The following CALN1 variants were observed in gnomAD, a reference collection of about 807,000 sequenced individuals.
CALN1 encodes calneuron 1.
Under a neutral mutation model 30.6 loss-of-function variants are expected in CALN1, and 17 were observed. That is an observed-to-expected ratio of 0.56 (90% CI 0.38 to 0.83). The LOEUF is 0.83. Among genes scored for constraint, CALN1 ranks in the 40% least tolerant of loss-of-function variants. CALN1 has a pLI of 0.00. For synonymous variants in CALN1, 156 were observed against 131.4 expected, an observed-to-expected ratio of 1.19 and a Z score of -1.28; for missense variants, 291 against 354.9, an observed-to-expected ratio of 0.82 and a Z score of 1.45.
intron 5 of CALN1, among the ~76,000 whole-genome samples, chr7:71,855,388 C>T (rs931640965): frequency 6.6e-6 from 1 of 152,100 alleles, no homozygotes; most frequent in Non-Finnish European, 1.5e-5. Context: ...TAGGTGCACA[C>T]GGCACCCAAA....
At chr7:72,432,423 C>T (rs528754293) in intron 1 of CALN1, among the ~76,000 whole-genome samples, 1 of 152,270 alleles carries the variant, frequency 6.6e-6, no homozygotes, top group East Asian at 1.9e-4. Context: ...GCAATATTCT[C>T]TCTGCCTCCG....
chr7:72,159,456 C>T (rs932055246), intron 3 of CALN1, among the ~76,000 whole-genome samples: 1 of 152,082 alleles, frequency 6.6e-6, no homozygotes, highest in East Asian at 1.9e-4. Flanking sequence ...ACTATGACCA[C>T]GCCACTGTAC....
chr7:72,375,574 A>T (rs1804506459), intron 2 of CALN1, among the ~76,000 whole-genome samples: 1 of 151,364 alleles, frequency 6.6e-6, no homozygotes, highest in South Asian at 2.1e-4. Context: ...CCAGGAAAAA[A>T]AAAAAAAAGA....
At chr7:72,034,353 CAAAAAAA>C (rs34276736) in intron 4 of CALN1, among the ~76,000 whole-genome samples, 3 of 90,406 alleles carry the variant, frequency 3.3e-5, no homozygotes, top group Non-Finnish European at 6.2e-5. Flanking sequence ...GACTCTGTCT[CAAAAAAA>C]AAAAAAAAAA....
At position 72,369,350 on chromosome 7, in the gene CALN1, A is replaced by AT. The variant is rs1804080082; in HGVS notation, c.119+33900dup. Among the ~76,000 whole-genome samples, 11 of 19,860 alleles carry AT rather than the reference A, an allele frequency of 5.5e-4. No homozygotes were observed. In the South Asian group the frequency reaches 0.021, roughly 38 times the overall value. 13.0% of individuals were successfully genotyped at this position (19,860 alleles called of 152,430 possible). On this transcript the variant is annotated intron_variant, in intron 2 of 6. Transcript: ENST00000395275. ...TATATAATTTATAAATATTATAAATATTTATTTTTTTGTTGTTGTTGTTTG... is the reference window on the plus strand; with the variant it reads ...TATATAATTTATAAATATTATAAATATTTTATTTTTTTGTTGTTGTTGTTTG...
chr7:72,425,920 C>T (rs1807786529), intron 1 of CALN1, among the ~76,000 whole-genome samples: 1 of 152,082 alleles, frequency 6.6e-6, no homozygotes, highest in Admixed American at 6.5e-5. Flanking sequence ...CAATCAAACT[C>T]CTCCTCATCC....
intron 1 of CALN1, among the ~76,000 whole-genome samples, chr7:72,431,884 T>C (rs1807991319): frequency 6.7e-6 from 1 of 149,270 alleles, no homozygotes; most frequent in Non-Finnish European, 1.5e-5. Flanking sequence ...TATCAGAGAA[T>C]GTTTTGGGAC....
intron 5 of CALN1, among the ~76,000 whole-genome samples, chr7:71,915,684 A>G (rs1371766554): frequency 6.6e-6 from 1 of 152,216 alleles, no homozygotes; most frequent in East Asian, 1.9e-4. Context: ...CAGTGAGCCA[A>G]GATCGCTGCA....
At chr7:72,222,136 G>T (rs972262821) in intron 3 of CALN1, among the ~76,000 whole-genome samples, 8 of 152,062 alleles carry the variant, frequency 5.3e-5, no homozygotes, top group Admixed American at 2.6e-4. Flanking sequence ...TGAGGCAGGA[G>T]CATCGCTTAA....
At chr7:71,810,032 C>T (rs1272123209) in intron 6 of CALN1, among the ~76,000 whole-genome samples, 1 of 152,062 alleles carries the variant, frequency 6.6e-6, no homozygotes, top group Non-Finnish European at 1.5e-5. Flanking sequence ...GCAGCCACAA[C>T]CAAGAGAAGG....
Position 72,324,452 on chromosome 7 carries a change from C to T in CALN1, c.120-45642G>A, listed in dbSNP as rs116419042. Among the ~76,000 whole-genome samples the T allele has an allele frequency of 1.1e-3, 166 of 152,236 alleles. 2 individuals are homozygous for T. The highest frequency in any genetic ancestry group is 3.7e-3 in the African/African-American group (154 of 41,550). The stretch of plus-strand genomic sequence containing the variant: ...CATACCTGCCTCTTGCATTTACCTT[C>T]CCTCCTAATATTATTCCCCAATAAC... On this transcript the variant is annotated intron_variant, in intron 2 of 6. Coordinates refer to ENST00000395275, the MANE Select transcript of CALN1 (RefSeq NM_031468.4).
chr7:71,865,606 T>C (rs753881348), intron 5 of CALN1, among the ~76,000 whole-genome samples: 1 of 152,234 alleles, frequency 6.6e-6, no homozygotes, highest in Non-Finnish European at 1.5e-5. Context: ...TCTCCTTCAC[T>C]CATCATGGAA....
intron 3 of CALN1, among the ~76,000 whole-genome samples, chr7:72,157,529 T>C (rs1461754604): frequency 6.6e-6 from 1 of 151,910 alleles, no homozygotes; most frequent in African/African-American, 2.4e-5. Flanking sequence ...AGAGAAGGAT[T>C]TAATCATGTA....
At chr7:72,371,004 C>T (rs1443900074) in intron 2 of CALN1, among the ~76,000 whole-genome samples, 1 of 150,042 alleles carries the variant, frequency 6.7e-6, no homozygotes, top group Non-Finnish European at 1.5e-5. Flanking sequence ...GCCAAGATCA[C>T]CCCACAGAAC....
At chr7:72,000,963 G>GT (rs1799498756) in intron 5 of CALN1, among the ~76,000 whole-genome samples, 1 of 152,218 alleles carries the variant, frequency 6.6e-6, no homozygotes, top group South Asian at 2.1e-4. Flanking sequence ...CTCTAAAATA[G>GT]TAATTGGTCA....
chr7:72,089,087 A>G (rs10257182), intron 4 of CALN1, among the ~76,000 whole-genome samples: 7,730 of 152,184 alleles, frequency 0.051, 618 homozygotes, highest in African/African-American at 0.17. Flanking sequence ...TATAAAACTG[A>G]TATTTTTTAA....
chr7:71,860,010 A>T (rs1791178757), intron 5 of CALN1, among the ~76,000 whole-genome samples: 1 of 152,148 alleles, frequency 6.6e-6, no homozygotes, highest in Admixed American at 6.5e-5. Context: ...TTTAAAGAGA[A>T]TAATATCAAT....
chr7:72,291,886 A>G (rs1262354458), intron 2 of CALN1, among the ~76,000 whole-genome samples: 2 of 152,126 alleles, frequency 1.3e-5, no homozygotes, highest in South Asian at 2.1e-4. Context: ...TACTGGGATT[A>G]CAGACATGAG....
At chr7:71,794,965 C>G (rs1230068375) in intron 6 of CALN1, among the ~76,000 whole-genome samples, 1 of 152,190 alleles carries the variant, frequency 6.6e-6, no homozygotes, top group African/African-American at 2.4e-5. Context: ...CCAAGCAGGT[C>G]TCCTCATTTT....
Sources: allele counts gnomAD v4.1 joint callset (sites outside exome capture counted in the v4.1 genomes callset), GRCh38; gene constraint gnomAD v4.1.1; transcripts MANE v1.5; gene names NCBI Gene and HGNC (gene_info 2026-07-23, HGNC 2026-07-21).